CALCOCO2: variants seen among roughly 807,000 people sequenced by gnomAD.
CALCOCO2 encodes calcium-binding and coiled-coil domain-containing protein 2.
A neutral mutation model predicts 62.5 loss-of-function variants in CALCOCO2; 42 were observed. The observed-to-expected ratio is 0.67, with a 90% CI of 0.53 to 0.87. CALCOCO2 has a LOEUF of 0.87. Ranked by LOEUF, CALCOCO2 falls within the 40% of genes least tolerant of loss-of-function variation. The pLI, the probability that CALCOCO2 is intolerant of heterozygous loss-of-function variation, is 0.00. For missense variants in CALCOCO2, 456 were observed against 515.0 expected (o/e 0.89, Z 1.11); for synonymous variants, 167 against 173.0 (o/e 0.97, Z 0.27).
At chr17:48,837,977 G>A (rs971962035) in intron 1 of CALCOCO2, among the ~76,000 whole-genome samples, 7 of 152,048 alleles carry the variant, frequency 4.6e-5, no homozygotes, top group Non-Finnish European at 8.8e-5. Context: ...AGCCGGGCGC[G>A]GTGGCTTACA....
In CALCOCO2 at chr17:48,863,011, C is replaced by T. The variant is rs748873558; in HGVS notation, c.*6C>T. ...TGTTCTGCCACTCTCTCTGAGTATCCCAACCTCTTGGATGTATACAGAGAT... is the reference window on the plus strand; with the variant it reads ...TGTTCTGCCACTCTCTCTGAGTATCTCAACCTCTTGGATGTATACAGAGAT... On this transcript the variant is annotated 3_prime_UTR_variant, in exon 13 of 13. Coordinates refer to ENST00000258947, the MANE Select transcript of CALCOCO2 (RefSeq NM_005831.5). The T allele has an allele frequency of 6.3e-7, 1 of 1,597,180 alleles. No homozygotes were observed. Among genetic ancestry groups the T allele is most frequent in the East Asian group, 2.2e-5 (1 of 44,788 alleles).
At chr17:48,860,640 ACAAAT>A (rs1240989006) in intron 11 of CALCOCO2, among the ~76,000 whole-genome samples, 191 bp downstream of exon 11, 8 of 152,260 alleles carry the variant, frequency 5.3e-5, no homozygotes, top group African/African-American at 1.9e-4. Flanking sequence ...TCCAGAAGAC[ACAAAT>A]CAGATCATTC....
chr17:48,857,760 G>T (rs1206509514), intron 10 of CALCOCO2, among the ~76,000 whole-genome samples: 3 of 149,210 alleles, frequency 2.0e-5, no homozygotes, highest in Non-Finnish European at 4.4e-5. Context: ...GGATCACAAG[G>T]TCAGGAGATC....
At chr17:48,858,793 G>A (rs1472867065) in intron 10 of CALCOCO2, among the ~76,000 whole-genome samples, 2 of 151,670 alleles carry the variant, frequency 1.3e-5, no homozygotes, top group Non-Finnish European at 2.9e-5. Context: ...TGTGGCTCAC[G>A]CCTGTAATCC....
Position 48,864,251 on chromosome 17 carries a change from A to G in CALCOCO2, c.*1246A>G, listed in dbSNP as rs2040365683. On this transcript the variant is annotated 3_prime_UTR_variant, in exon 13 of 13. Transcript: ENST00000258947. ...GCTAATTTTTGTGTTTTTAGTAGAG[A>G]CAGGGTTTCACTATGTTGGCCAGGC... 1.3e-5 allele frequency: 2 copies of G among 151,934 alleles called. No individual in the cohort carries two copies. The highest frequency in any genetic ancestry group is 1.5e-5 in the Non-Finnish European group (1 of 68,022). 9.4% of individuals were successfully genotyped at this position (151,934 alleles called of 1,614,324 possible). A position where few individuals can be genotyped will look rare whatever the true frequency, so the allele number is the denominator to read the frequency against.
Position 48,851,098 on chromosome 17 carries a change from G to A in CALCOCO2, c.553G>A (p.Glu185Lys). The part of the protein sequence containing the change: ...AELQKKQEEL[E>K]TLQSINKKLE... ...TTGTTTCAATCTATAGGAGGAGCTA[G>A]AAACCCTACAGAGCATCAATAAGAA... The change falls in exon 6 of 13, where the codon GAA becomes AAA. Residue 185 changes from glutamate (E) to lysine (K), a missense_variant. Glu to Lys is a moderately conservative substitution (Grantham distance 56, BLOSUM62 1). Transcript: ENST00000258947. 1.9e-6 allele frequency: 3 copies of A among 1,597,328 alleles called. No homozygotes were observed. Among genetic ancestry groups the A allele is most frequent in the Non-Finnish European group, 2.6e-6 (3 of 1,164,786 alleles).
At chr17:48,837,383 G>A (rs151110658) in intron 1 of CALCOCO2, among the ~76,000 whole-genome samples, 7,150 of 152,044 alleles carry the variant, frequency 0.047, 197 homozygotes, top group South Asian at 0.15. Context: ...GGTGGCTCAT[G>A]CCTGTAATCC....
chr17:48,841,006 C>T (rs183637681), intron 1 of CALCOCO2, among the ~76,000 whole-genome samples: 1 of 152,204 alleles, frequency 6.6e-6, no homozygotes, highest in Admixed American at 6.5e-5. Context: ...CATTATTTCA[C>T]TTATGCCTCA....
intron 2 of CALCOCO2, among the ~76,000 whole-genome samples, chr17:48,844,361 C>T (rs563433635): frequency 6.6e-6 from 1 of 151,422 alleles, no homozygotes; most frequent in South Asian, 2.1e-4. Flanking sequence ...TTTGGAACAT[C>T]GTTATATTTC....
chr17:48,861,587 A>G (rs4302095), intron 11 of CALCOCO2, among the ~76,000 whole-genome samples: 2 of 148,098 alleles, frequency 1.4e-5, no homozygotes, highest in Non-Finnish European at 3.0e-5. Context: ...ATTTTCCCCA[A>G]TCTGAAAATA....
intron 9 of CALCOCO2, among the ~76,000 whole-genome samples, chr17:48,853,774 C>T (rs2040165380): frequency 6.6e-6 from 1 of 152,174 alleles, no homozygotes; most frequent in Non-Finnish European, 1.5e-5. Context: ...GAATATTTCC[C>T]ATAAAAATTT....
chr17:48,847,821 A>G, intron 2 of CALCOCO2: 1 of 329,358 alleles, frequency 3.0e-6, no homozygotes, highest in Non-Finnish European at 5.6e-6. Context: ...GTGCCAACTT[A>G]TTTTTTGTAT....
chr17:48,843,408 A>G (rs532605590), intron 2 of CALCOCO2, among the ~76,000 whole-genome samples: 3 of 152,322 alleles, frequency 2.0e-5, no homozygotes, highest in Non-Finnish European at 2.9e-5. Context: ...TCAGTATGTC[A>G]TGTGCCTATT....
At position 48,851,574 on chromosome 17, in the gene CALCOCO2, C is replaced by T; in HGVS notation, c.648C>T (p.Asn216=). ...ACCTCTACAGACTGAAAGAACAAAA[C>T]CAGAAGATGTCCTCAGAAAATGAGA... is the stretch of plus-strand genomic sequence containing the variant. ...ETELLQLKEQ[N]QKMSSENEKM... is the part of the protein sequence containing the mutation. The change falls in exon 7 of 13, where the codon AAC becomes AAT. Residue 216 remains asparagine, a synonymous_variant. Coordinates refer to ENST00000258947, the MANE Select transcript of CALCOCO2 (RefSeq NM_005831.5). The T allele has an allele frequency of 6.3e-7, 1 of 1,599,562 alleles. No individual in the cohort carries two copies. The highest frequency in any genetic ancestry group is 2.2e-5 in the East Asian group (1 of 44,814).
chr17:48,843,722 T>C (rs1003003798), intron 2 of CALCOCO2, among the ~76,000 whole-genome samples: 2 of 152,146 alleles, frequency 1.3e-5, no homozygotes, highest in Non-Finnish European at 1.5e-5. Flanking sequence ...GGTAGTTGTT[T>C]TTCTTCCTCA....
rs2040081428 is a variant in CALCOCO2, at chr17:48,848,372, G to A, written c.334G>A (p.Glu112Lys). 1 of 1,613,168 alleles carries A rather than the reference G, an allele frequency of 6.2e-7. No homozygotes were observed. Among genetic ancestry groups the A allele is most frequent in the Non-Finnish European group, 8.5e-7 (1 of 1,179,086 alleles). The stretch of plus-strand genomic sequence containing the variant: ...GTATTACCAGTTCTGCTATGTGGAT[G>A]AGGATGGTGTGGTCCGGGGAGCAAG... ...DEYYQFCYVD[E>K]DGVVRGASIP... Residue 112 changes from glutamate to lysine, a missense_variant, in exon 4 of 13, where the codon GAG becomes AAG. Around this residue, in one of 3 missense-constraint regions of CALCOCO2, gnomAD observed 236 missense variants for 225.3 expected, o/e 1.05. Coordinates refer to ENST00000258947, the MANE Select transcript of CALCOCO2 (RefSeq NM_005831.5).
chr17:48,839,766 C>G (rs971199365), intron 1 of CALCOCO2, among the ~76,000 whole-genome samples: 1 of 149,372 alleles, frequency 6.7e-6, no homozygotes, highest in Non-Finnish European at 1.5e-5. Context: ...GACCTCCGCT[C>G]CCAGGTTCAA....
chr17:48,833,944 C>T (rs1466296501), intron 1 of CALCOCO2, among the ~76,000 whole-genome samples: 1 of 151,902 alleles, frequency 6.6e-6, no homozygotes, highest in Non-Finnish European at 1.5e-5. Context: ...GCCTGGGCAA[C>T]ATGGTGAAAC....
chr17:48,858,025 A>C (rs1438256801), intron 10 of CALCOCO2, among the ~76,000 whole-genome samples: 6 of 13,734 alleles, frequency 4.4e-4, no homozygotes, highest in South Asian at 8.2e-3. Flanking sequence ...AATAGAATAG[A>C]ATAGAATAGA....
Sources: allele counts gnomAD v4.1 joint callset (sites outside exome capture counted in the v4.1 genomes callset), GRCh38; gene constraint gnomAD v4.1.1; regional missense constraint gnomAD v4.1.1; transcripts MANE v1.5; gene names NCBI Gene and HGNC (gene_info 2026-07-23, HGNC 2026-07-21).